The following NR2F1-AS1 variants were observed in gnomAD, a reference collection of about 807,000 sequenced individuals.
The protein encoded by NR2F1-AS1 is NR2F1 antisense RNA 1.
At chr5:93,425,293 C>T (rs775406470) in intron 4 of NR2F1-AS1, among the ~76,000 whole-genome samples, 1 of 152,122 alleles carries the variant, frequency 6.6e-6, no homozygotes, top group Non-Finnish European at 1.5e-5. Context: ...CTGGCAAGAG[C>T]CTCGGTTCTT....
chr5:93,527,246 T>C (rs1206991237), intron 4 of NR2F1-AS1, among the ~76,000 whole-genome samples: 1 of 152,176 alleles, frequency 6.6e-6, no homozygotes, highest in East Asian at 1.9e-4. Context: ...CCATTCACAA[T>C]TGCTACTAAG....
At chr5:93,575,252 G>C (rs1752870132) in intron 1 of NR2F1-AS1, among the ~76,000 whole-genome samples, 1 of 152,248 alleles carries the variant, frequency 6.6e-6, no homozygotes, top group Non-Finnish European at 1.5e-5. Context: ...AGTGCTTTCA[G>C]TCCTAGAAAT....
intron 4 of NR2F1-AS1, among the ~76,000 whole-genome samples, chr5:93,529,890 C>T (rs1040663007): frequency 9.2e-5 from 14 of 152,032 alleles, no homozygotes; most frequent in Non-Finnish European, 1.8e-4. Context: ...CATTAATTGA[C>T]TCATTGTACC....
rs1291728897 is a variant in NR2F1-AS1, at chr5:93,470,363, C to G, written n.639-74821G>C. Among the ~76,000 whole-genome samples, 4 of 151,954 alleles carry G rather than the reference C, an allele frequency of 2.6e-5. No individual in the cohort carries two copies. In the East Asian group the frequency reaches 7.7e-4, roughly 29 times the overall value. ...AAAAAATTGTTAGTGTGCCTAGATGCAGGCATTAAAAATAACTAAACAAAA... is the reference window on the plus strand; with the variant it reads ...AAAAAATTGTTAGTGTGCCTAGATGGAGGCATTAAAAATAACTAAACAAAA... On this transcript the variant is annotated intron_variant and non_coding_transcript_variant, in intron 4 of 5. Coordinates refer to ENST00000660523, the Ensembl canonical transcript of NR2F1-AS1.
intron 1 of NR2F1-AS1, among the ~76,000 whole-genome samples, chr5:93,568,071 T>TA (rs2149924913): frequency 6.6e-6 from 1 of 152,336 alleles, no homozygotes; most frequent in East Asian, 1.9e-4. Flanking sequence ...TCTTCACACA[T>TA]AAAATGTAAC....
At chr5:93,581,837 C>T (rs1479410675), upstream of NR2F1-AS1, among the ~76,000 whole-genome samples, 15 of 50,166 alleles carry the variant, frequency 3.0e-4, no homozygotes, top group African/African-American at 8.3e-4. Flanking sequence ...TCTCTCTCTC[C>T]TCTCTCTCTC....
chr5:93,471,546 A>T (rs1561455471), intron 4 of NR2F1-AS1, among the ~76,000 whole-genome samples: 1 of 151,922 alleles, frequency 6.6e-6, no homozygotes, highest in Non-Finnish European at 1.5e-5. Context: ...TATAAAATAT[A>T]TGAAAAATTT....
upstream of NR2F1-AS1, among the ~76,000 whole-genome samples, chr5:93,581,758 CTCCT>C (rs1753066091): frequency 1.8e-4 from 7 of 39,644 alleles, no homozygotes; most frequent in African/African-American, 5.9e-4. Flanking sequence ...CCCTCTCCCT[CTCCT>C]CTCTCCCTCT....
chr5:93,476,131 A>C (rs561321976), intron 4 of NR2F1-AS1, among the ~76,000 whole-genome samples: 1 of 152,326 alleles, frequency 6.6e-6, no homozygotes, highest in East Asian at 1.9e-4. Context: ...AGAACACACA[A>C]AACGCTTGAA....
At chr5:93,543,941 A>G (rs1752015829) in intron 4 of NR2F1-AS1, 1 of 152,188 alleles carries the variant, frequency 6.6e-6, no homozygotes, top group Non-Finnish European at 1.5e-5. Context: ...TTAAAAGTGT[A>G]TATACAAAGG....
chr5:93,420,234 G>A (rs139232260), intron 4 of NR2F1-AS1, among the ~76,000 whole-genome samples: 6 of 152,268 alleles, frequency 3.9e-5, no homozygotes, highest in African/African-American at 7.2e-5. Context: ...TGGCAGGCCA[G>A]GACAGCAAAA....
At chr5:93,581,721 TCTCTCTCTCTCTCC>T (rs1561519144), upstream of NR2F1-AS1, among the ~76,000 whole-genome samples, 10 of 58,670 alleles carry the variant, frequency 1.7e-4, 1 homozygote, top group African/African-American at 7.9e-4. Context: ...TCTCTCTCTC[TCTCTCTCTCTCTCC>T]CCCTCTCCCT....
intron 4 of NR2F1-AS1, among the ~76,000 whole-genome samples, chr5:93,466,071 T>C (rs189024445): frequency 3.4e-4 from 52 of 150,990 alleles, no homozygotes; most frequent in Non-Finnish European, 6.0e-4. Flanking sequence ...CTTAAAAGTA[T>C]AATTAAAAAA....
intron 1 of NR2F1-AS1, among the ~76,000 whole-genome samples, chr5:93,573,709 C>G (rs1246736797): frequency 1.3e-5 from 2 of 152,180 alleles, no homozygotes; most frequent in Non-Finnish European, 2.9e-5. Context: ...TTTATCGCCT[C>G]AGCACAGCAC....
chr5:93,582,950 G>T (rs1408636962), upstream of NR2F1-AS1, among the ~76,000 whole-genome samples: 2 of 143,182 alleles, frequency 1.4e-5, no homozygotes, highest in South Asian at 2.3e-4. Context: ...TAGCTAAGCG[G>T]GGGGGGGAGA....
chr5:93,510,907 C>A (rs887652855), intron 4 of NR2F1-AS1, among the ~76,000 whole-genome samples: 1 of 152,136 alleles, frequency 6.6e-6, no homozygotes, highest in Non-Finnish European at 1.5e-5. Flanking sequence ...ACTGTTATTA[C>A]ATAATAAGGC....
At chr5:93,483,191 C>T (rs1750639434) in intron 4 of NR2F1-AS1, among the ~76,000 whole-genome samples, 1 of 152,146 alleles carries the variant, frequency 6.6e-6, no homozygotes, top group African/African-American at 2.4e-5. Context: ...ACACCTCATA[C>T]AGGAGCGCTC....
chr5:93,551,692 G>A (rs1752233999), intron 4 of NR2F1-AS1, among the ~76,000 whole-genome samples: 1 of 152,010 alleles, frequency 6.6e-6, no homozygotes, highest in Admixed American at 6.6e-5. Context: ...TCCAACTTTA[G>A]ACTGATTATA....
chr5:93,496,534 C>A (rs545929261), intron 4 of NR2F1-AS1, among the ~76,000 whole-genome samples: 20 of 152,218 alleles, frequency 1.3e-4, no homozygotes, highest in African/African-American at 4.8e-4. Context: ...AAATAGGCAT[C>A]CTTTTTAATT....
Sources: allele counts gnomAD v4.1 joint callset (sites outside exome capture counted in the v4.1 genomes callset), GRCh38; gene constraint gnomAD v4.1.1; transcripts MANE v1.5; gene names NCBI Gene and HGNC (gene_info 2026-07-23, HGNC 2026-07-21).